Variants in H4C15 observed in about 807,000 individuals in gnomAD.
H4C15 encodes the protein H4 clustered histone 15.
downstream of H4C15, chr1:149,850,141 A>C: frequency 1.8e-6 from 1 of 555,966 alleles, no homozygotes. Flanking sequence ...AGATACCACT[A>C]TCAATCTATG....
chr1:149,847,241 TC>T, the H4C15 span: 1 of 152,176 alleles, frequency 6.6e-6, no homozygotes, highest in African/African-American at 2.4e-5. Context: ...AATCTCAGAA[TC>T]ACATCTGCAA....
downstream of H4C15, chr1:149,850,673 C>A (rs2101554399): frequency 2.4e-6 from 1 of 419,102 alleles, no homozygotes; most frequent in Non-Finnish European, 4.0e-6. Flanking sequence ...GCTCTCCTTG[C>A]GGCTGCGCTT....
the H4C15 span, chr1:149,845,771 A>G: frequency 6.6e-6 from 1 of 152,210 alleles, no homozygotes; most frequent in Non-Finnish European, 1.5e-5. Flanking sequence ...AGCAGTGGAG[A>G]TGCAGAGTAG....
At chr1:149,855,475 T>C (rs2092182823), downstream of H4C15, among the ~76,000 whole-genome samples, 2 of 133,652 alleles carry the variant, frequency 1.5e-5, no homozygotes, top group Admixed American at 1.4e-4. Flanking sequence ...CACTGATTTT[T>C]CTTCCTTAGA....
the H4C15 span, chr1:149,846,296 A>G: frequency 6.6e-6 from 1 of 152,204 alleles, no homozygotes; most frequent in Non-Finnish European, 1.5e-5. Flanking sequence ...TGCAATCACA[A>G]AAGTCACCAT....
chr1:149,846,772 C>T, the H4C15 span: 1 of 152,166 alleles, frequency 6.6e-6, no homozygotes. Flanking sequence ...GCTACAATCA[C>T]ATTATTACAC....
chr1:149,848,664 A>G, the H4C15 span: 1 of 152,382 alleles, frequency 6.6e-6, no homozygotes, highest in East Asian at 1.9e-4. Flanking sequence ...GCAGGTTCAG[A>G]CAGCAATTAA....
downstream of H4C15, chr1:149,850,593 C>T (rs1173911748): frequency 6.8e-6 from 4 of 585,780 alleles, no homozygotes. Flanking sequence ...TTCATGATGC[C>T]CATGGCCTTG....
the H4C15 span, chr1:149,848,668 C>A: frequency 2.0e-5 from 3 of 152,166 alleles, no homozygotes. Flanking sequence ...GTTCAGACAG[C>A]AATTAAACTA....
the H4C15 span, chr1:149,844,687 C>T: frequency 6.6e-6 from 1 of 151,904 alleles, no homozygotes; most frequent in Non-Finnish European, 1.5e-5. Context: ...TATGTACCTA[C>T]ATAAAATCCC....
downstream of H4C15, chr1:149,850,712 T>C: frequency 3.2e-6 from 1 of 310,822 alleles, no homozygotes; most frequent in Non-Finnish European, 5.5e-6. Context: ...CTTCTGGGCT[T>C]TGGTGACGGC....
chr1:149,850,854 C>T, downstream of H4C15: 1 of 124,700 alleles, frequency 8.0e-6, no homozygotes, highest in Non-Finnish European at 1.4e-5. Flanking sequence ...CGACTGTGTA[C>T]TTACAGAGGC....
downstream of H4C15, chr1:149,850,403 G>C: frequency 1.9e-6 from 2 of 1,050,966 alleles, no homozygotes; most frequent in Non-Finnish European, 1.4e-6. Context: ...CTCACTTGGA[G>C]CTGGCGTACT....
the H4C15 span, chr1:149,846,105 T>C: frequency 6.6e-6 from 1 of 152,156 alleles, no homozygotes; most frequent in Admixed American, 6.5e-5. Context: ...CCTTTCTTTC[T>C]GTAAATGTTT....
At chr1:149,850,289 G>T, downstream of H4C15, 1 of 1,386,920 alleles carries the variant, frequency 7.2e-7, no homozygotes, top group Non-Finnish European at 1.0e-6. Flanking sequence ...TTCTTTAACT[G>T]AGGTGGTTAA....
the H4C15 span, chr1:149,848,940 T>C: frequency 1.1e-4 from 17 of 152,232 alleles, no homozygotes; most frequent in Admixed American, 7.8e-4. Context: ...TTGTCTTTAC[T>C]GAACCCTAGA....
At chr1:149,850,397 C>T (rs1559767573), downstream of H4C15, 1 of 949,440 alleles carries the variant, frequency 1.1e-6, no homozygotes, top group African/African-American at 1.6e-5. Context: ...CAGGGACTCA[C>T]TTGGAGCTGG....
At chr1:149,850,364 A>G, downstream of H4C15, 1 of 720,846 alleles carries the variant, frequency 1.4e-6, no homozygotes, top group South Asian at 1.5e-5. Flanking sequence ...GGAGGGAGGG[A>G]GCGAGCGAGC....
At chr1:149,858,692 G>T (rs2092192023), downstream of H4C15, among the ~76,000 whole-genome samples, 3 of 96,994 alleles carry the variant, frequency 3.1e-5, no homozygotes, top group African/African-American at 1.5e-4. Flanking sequence ...AAAGAAAGAA[G>T]AAAAGAAAAA....
Sources: gnomAD v4.1 joint callset for allele counts (sites outside exome capture counted in the v4.1 genomes callset) on GRCh38, gnomAD v4.1.1 for gene constraint, MANE v1.5 for transcripts, NCBI Gene and HGNC (gene_info 2026-07-23, HGNC 2026-07-21) for gene names.